KIAA0825: variants seen among roughly 807,000 people sequenced by gnomAD.
KIAA0825 encodes KIAA0825, also known as uncharacterized protein KIAA0825.
In KIAA0825, 119 loss-of-function variants were observed where a neutral mutation model predicts 147.6. The ratio of observed to expected loss-of-function variants is 0.81; its 90% confidence interval spans 0.69 to 0.94. The LOEUF (loss-of-function observed/expected upper bound fraction) is 0.94. Ranked by LOEUF, KIAA0825 falls within the 40% of genes least tolerant of loss-of-function variation. KIAA0825 has a pLI of 0.00. For missense variants in KIAA0825, 1,381 were observed against 1,472.7 expected, an observed-to-expected ratio of 0.94 and a Z score of 1.02; for synonymous variants, 470 against 518.1, an observed-to-expected ratio of 0.91 and a Z score of 1.26.
chr5:94,492,804 AAC>A (rs1329869918), intron 5 of KIAA0825, among the ~76,000 whole-genome samples: 2 of 152,342 alleles, frequency 1.3e-5, no homozygotes, highest in Non-Finnish European at 2.9e-5. Flanking sequence ...AATAATGATA[AAC>A]ACCATATCAG....
chr5:94,237,759 T>C (rs922327542), intron 20 of KIAA0825, among the ~76,000 whole-genome samples: 5 of 152,180 alleles, frequency 3.3e-5, no homozygotes, highest in African/African-American at 1.2e-4. Flanking sequence ...ATTATAATTG[T>C]TGATGAAGCC....
intron 20 of KIAA0825, among the ~76,000 whole-genome samples, chr5:94,306,708 A>T (rs1307754699): frequency 6.6e-6 from 1 of 151,868 alleles, no homozygotes; most frequent in East Asian, 1.9e-4. Flanking sequence ...ATTATCAAAG[A>T]TATCATTAAC....
At chr5:94,170,672 A>C (rs1768532702) in intron 20 of KIAA0825, among the ~76,000 whole-genome samples, 1 of 152,202 alleles carries the variant, frequency 6.6e-6, no homozygotes, top group African/African-American at 2.4e-5. Flanking sequence ...GAAAGCTGGA[A>C]CAAAATGAAA....
At chr5:94,367,637 C>A (rs1746062453) in intron 20 of KIAA0825, among the ~76,000 whole-genome samples, 1 of 152,164 alleles carries the variant, frequency 6.6e-6, no homozygotes, top group South Asian at 2.1e-4. Context: ...TGAAGGATGC[C>A]TTGACATTGG....
intron 3 of KIAA0825, among the ~76,000 whole-genome samples, chr5:94,530,766 C>T (rs1770634813): frequency 6.6e-6 from 1 of 152,014 alleles, no homozygotes; most frequent in Middle Eastern, 3.4e-3. Context: ...AGTGTTCCCT[C>T]CCCTGTTTCT....
At chr5:94,415,240 G>A (rs1015210074) in intron 15 of KIAA0825, 2 of 152,170 alleles carry the variant, frequency 1.3e-5, no homozygotes, top group African/African-American at 2.4e-5. Context: ...GATTTAGCAG[G>A]AGGAAACTAC....
chr5:94,616,466 C>G (rs1218497461), intron 1 of KIAA0825, among the ~76,000 whole-genome samples: 1 of 152,108 alleles, frequency 6.6e-6, no homozygotes, highest in African/African-American at 2.4e-5. Context: ...GCTAATAATT[C>G]CTTATAAATC....
intron 20 of KIAA0825, among the ~76,000 whole-genome samples, chr5:94,185,893 T>C (rs1304597227): frequency 6.6e-6 from 1 of 152,230 alleles, no homozygotes; most frequent in East Asian, 1.9e-4. Flanking sequence ...GAAATATTAA[T>C]AATAGCTACC....
At chr5:94,178,278 CCTTT>C (rs1341281705) in intron 20 of KIAA0825, among the ~76,000 whole-genome samples, 1 of 151,910 alleles carries the variant, frequency 6.6e-6, no homozygotes, top group East Asian at 1.9e-4. Context: ...ATCAGTTAGT[CCTTT>C]CTATCAGTTA....
intron 1 of KIAA0825, chr5:94,615,409 G>C (rs1267854762): frequency 6.6e-6 from 1 of 152,174 alleles, no homozygotes; most frequent in African/African-American, 2.4e-5. Context: ...TAGCAAAGTG[G>C]TTAAGATTAT....
At chr5:94,481,096 T>C (rs187350068) in intron 6 of KIAA0825, among the ~76,000 whole-genome samples, 1 of 152,228 alleles carries the variant, frequency 6.6e-6, no homozygotes, top group Admixed American at 6.6e-5. Context: ...ATTATCATTG[T>C]CTAGAGAAGG....
intron 20 of KIAA0825, among the ~76,000 whole-genome samples, chr5:94,251,177 T>A (rs1287930030): frequency 6.6e-6 from 1 of 152,048 alleles, no homozygotes. Flanking sequence ...GTGGAGATGG[T>A]TGATTTGATA....
chr5:94,391,803 TC>T (rs1749934477), intron 17 of KIAA0825, 109 bp from the exon 18 acceptor site: 2 of 956,794 alleles, frequency 2.1e-6, no homozygotes, highest in East Asian at 5.5e-5. Flanking sequence ...ATTCAAAGCA[TC>T]CATAAAGACT....
intron 16 of KIAA0825, among the ~76,000 whole-genome samples, chr5:94,402,930 A>G (rs1415277239): frequency 6.6e-6 from 1 of 152,080 alleles, no homozygotes; most frequent in Non-Finnish European, 1.5e-5. Flanking sequence ...GGGAGAAACT[A>G]TTTAAGAAGA....
chr5:94,176,670 T>G (rs1429012848), intron 20 of KIAA0825, among the ~76,000 whole-genome samples: 1 of 152,130 alleles, frequency 6.6e-6, no homozygotes, highest in African/African-American at 2.4e-5. Context: ...GACCAATGCT[T>G]CTTTCACATT....
At chr5:94,435,856 A>G (rs1756298216) in intron 14 of KIAA0825, among the ~76,000 whole-genome samples, 1 of 151,872 alleles carries the variant, frequency 6.6e-6, no homozygotes, top group African/African-American at 2.4e-5. Context: ...TTTGATTTGC[A>G]TTTCTCTAAT....
At chr5:94,376,040 G>A (rs1747513037) in intron 20 of KIAA0825, among the ~76,000 whole-genome samples, 1 of 152,152 alleles carries the variant, frequency 6.6e-6, no homozygotes, top group South Asian at 2.1e-4. Context: ...TTAGAGCTCG[G>A]TACCTCTGTG....
chr5:94,596,712 G>A (rs1256988493), intron 1 of KIAA0825, among the ~76,000 whole-genome samples: 1 of 152,098 alleles, frequency 6.6e-6, no homozygotes, highest in Non-Finnish European at 1.5e-5. Flanking sequence ...CCATGAGCGT[G>A]GAATGTTTTT....
chr5:94,477,863 C>A (rs1762072501), intron 6 of KIAA0825, among the ~76,000 whole-genome samples: 1 of 152,106 alleles, frequency 6.6e-6, no homozygotes, highest in African/African-American at 2.4e-5. Flanking sequence ...TAATAAATAA[C>A]TACTCCAAAA....
Sources: gnomAD v4.1 joint callset for allele counts (sites outside exome capture counted in the v4.1 genomes callset) on GRCh38, gnomAD v4.1.1 for gene constraint, MANE v1.5 for transcripts, NCBI Gene and HGNC (gene_info 2026-07-23, HGNC 2026-07-21) for gene names.